SEC24C: variants seen among roughly 807,000 people sequenced by gnomAD.
SEC24C encodes the protein protein transport protein Sec24C.
Under a neutral mutation model 117.0 loss-of-function variants are expected in SEC24C, and 22 were observed. The ratio of observed to expected loss-of-function variants is 0.19; its 90% confidence interval spans 0.13 to 0.27. SEC24C has a LOEUF of 0.27. SEC24C is among the 10% of genes least tolerant of loss of function. SEC24C has a pLI of 1.00. For missense variants in SEC24C, 1,155 were observed against 1,375.1 expected (o/e 0.84, Z 2.53); for synonymous variants, 506 against 529.4 (o/e 0.96, Z 0.61).
Position 73,763,579 on chromosome 10 carries a change from C to G in SEC24C, c.1077C>G (p.Thr359=). The change falls in exon 7 of 23, where the codon ACC becomes ACG. Residue 359 remains threonine (T), a synonymous_variant. Transcript: ENST00000345254. Reference sequence around the variant, plus strand: ...GCCAGGTGCCACCCTTAGTCACTACCAACTTCCTGGTGAAAGACCAAGGTG... The same window carrying G: ...GCCAGGTGCCACCCTTAGTCACTACGAACTTCCTGGTGAAAGACCAAGGTG... ...VRGQVPPLVT[T]NFLVKDQGNA... The G allele has an allele frequency of 1.3e-6, 2 of 1,595,006 alleles. No homozygotes were observed. The highest frequency in any genetic ancestry group is 1.7e-5 in the Admixed American group (1 of 59,174).
chr10:73,763,773 G>C, intron 7 of SEC24C, 83 bp from the exon 8 acceptor site: 3 of 1,454,260 alleles, frequency 2.1e-6, no homozygotes, highest in Non-Finnish European at 2.8e-6. Context: ...GCTTTGTGGA[G>C]TTGATGGTGT....
rs1347082874 is a variant in SEC24C at position 73,769,259 on chromosome 10, T to C, written c.2425-88T>C. 1 of 1,586,572 alleles carries C rather than the reference T, an allele frequency of 6.3e-7. No individual in the cohort carries two copies. On this transcript the variant is annotated intron_variant, in intron 17 of 22. Coordinates refer to ENST00000345254, the MANE Select transcript of SEC24C (RefSeq NM_198597.3). The surrounding 1 kb of genome is among the most constrained non-coding windows in gnomAD (Gnocchi z 4.5). The stretch of plus-strand genomic sequence containing the variant: ...TAAAAGAAGAGACAGGGCACGGGAG[T>C]GGCTCATTTCTCTCTTCCAGTTTAA...
intron 10 of SEC24C, 26 bp downstream of exon 10, chr10:73,765,941 C>T (rs758739472): frequency 2.5e-6 from 4 of 1,596,812 alleles, no homozygotes; most frequent in Middle Eastern, 1.7e-4. Flanking sequence ...ATGGGAGGAG[C>T]AGTGAGTGGA....
chr10:73,770,524 C>A (rs866341459), intron 21 of SEC24C, 53 bp downstream of exon 21: 1 of 1,590,888 alleles, frequency 6.3e-7, no homozygotes, highest in African/African-American at 1.3e-5. Flanking sequence ...CTTTGTGAAA[C>A]AATTGGGAGC....
chr10:73,752,299 T>C (rs2082653054), intron 3 of SEC24C, among the ~76,000 whole-genome samples: 1 of 151,900 alleles, frequency 6.6e-6, no homozygotes, highest in African/African-American at 2.4e-5. Flanking sequence ...TTTTTTGTAT[T>C]TTTAGTAGAG....
chr10:73,763,667 C>CTTTTTTTTTTTTTTTTTT lies in SEC24C; in HGVS notation c.1099+81_1099+98dup, dbSNP rs71021569. ...CAAGATTATCAGCTTATGGTTGGGGCTTTTTTTTTTTTTTTTTTTTTTTTT... is the reference window on the plus strand; with the variant it reads ...CAAGATTATCAGCTTATGGTTGGGGCTTTTTTTTTTTTTTTTTTTTTTTTTTTTTTTTTTTTTTTTTTT... On this transcript the variant is annotated intron_variant, in intron 7 of 22. Coordinates refer to ENST00000345254, the MANE Select transcript of SEC24C (RefSeq NM_198597.3). 1.3e-4 allele frequency: 8 copies of CTTTTTTTTTTTTTTTTTT among 60,488 alleles called. 2 individuals are homozygous for CTTTTTTTTTTTTTTTTTT. The highest frequency in any genetic ancestry group is 9.2e-5 in the Non-Finnish European group (3 of 32,736). The allele number at this position is 60,488 out of a possible 1,614,324, so 3.7% of individuals were successfully genotyped here.
Position 73,751,185 on chromosome 10 carries a change from G to A in SEC24C, c.250G>A (p.Gly84Ser). 1 of 1,614,206 alleles carries A rather than the reference G, an allele frequency of 6.2e-7. No individual in the cohort carries two copies. Among genetic ancestry groups the A allele is most frequent in the Non-Finnish European group, 8.5e-7 (1 of 1,180,042 alleles). The change falls in exon 3 of 23, where the codon GGC becomes AGC. Residue 84 changes from glycine (G) to serine (S), a missense_variant. Physicochemically the swap from Gly to Ser is moderately conservative, Grantham distance 56 (BLOSUM62 0). Around this residue, in one of 2 missense-constraint regions of SEC24C, gnomAD observed 396 missense variants for 382.8 expected, o/e 1.03. Coordinates refer to ENST00000345254, the MANE Select transcript of SEC24C (RefSeq NM_198597.3). ...GGCTCCTTGTGGCCAGGCTGCATAT[G>A]GCCAGTTTGGCCAAGGAGATGTACA... The part of the protein sequence containing the change: ...AQAPCGQAAY[G>S]QFGQGDVQNG...
At chr10:73,758,479 T>C (rs2082746211) in intron 3 of SEC24C, among the ~76,000 whole-genome samples, 1 of 152,230 alleles carries the variant, frequency 6.6e-6, no homozygotes, top group Non-Finnish European at 1.5e-5. Context: ...TTGACAGATA[T>C]CACTACAGTC....
chr10:73,751,456 G>A (rs1589511702), intron 3 of SEC24C, among the ~76,000 whole-genome samples: 2 of 152,332 alleles, frequency 1.3e-5, no homozygotes, highest in East Asian at 1.9e-4. Flanking sequence ...AGACTTGGGA[G>A]GCTGAGGCAG....
Position 73,767,893 on chromosome 10 carries a change from C to T in SEC24C, c.2067C>T (p.Ala689=). 1 of 1,613,790 alleles carries T rather than the reference C, an allele frequency of 6.2e-7. No homozygotes were observed. Among genetic ancestry groups the T allele is most frequent in the Non-Finnish European group, 8.5e-7 (1 of 1,179,868 alleles). ...AYQTLAKECV[A]QGCCVDLFLF... is the part of the protein sequence containing the mutation. ...AGACCCTGGCCAAAGAGTGTGTGGCCCAAGGCTGCTGTGTAGATCTCTTTC... is the reference window on the plus strand; with the variant it reads ...AGACCCTGGCCAAAGAGTGTGTGGCTCAAGGCTGCTGTGTAGATCTCTTTC... The change falls in exon 15 of 23, where the codon GCC becomes GCT. Residue 689 remains alanine, a synonymous_variant. Coordinates refer to ENST00000345254, the MANE Select transcript of SEC24C (RefSeq NM_198597.3).
In SEC24C at chr10:73,763,559, G is replaced by A; in HGVS notation, c.1057G>A (p.Val353Met). The A allele has an allele frequency of 6.2e-7, 1 of 1,611,502 alleles. No homozygotes were observed. The highest frequency in any genetic ancestry group is 8.5e-7 in the Non-Finnish European group (1 of 1,178,660). Residue 353 changes from valine (V) to methionine (M), a missense_variant, in exon 7 of 23, where the codon GTG (valine) becomes ATG (methionine). Physicochemically the swap from Val to Met is conservative, Grantham distance 21. Coordinates refer to ENST00000345254, the MANE Select transcript of SEC24C (RefSeq NM_198597.3). ...ATTTGTTACTGGAGTACGGGGCCAG[G>A]TGCCACCCTTAGTCACTACCAACTT... ...EPFVTGVRGQVPPLVTTNFLV... is the reference protein window; with the variant it reads ...EPFVTGVRGQMPPLVTTNFLV...
Position 73,765,548 on chromosome 10 carries a change from G to A in SEC24C, c.1325G>A (p.Gly442Glu), listed in dbSNP as rs757234492. ...MCPFMQFIEG[G>E]RRFQCCFCSC... Reference sequence around the variant, plus strand: ...CCCTTCATGCAGTTCATTGAAGGAGGGAGGCGTTTCCAGTGCTGTTTTTGC... The same window carrying A: ...CCCTTCATGCAGTTCATTGAAGGAGAGAGGCGTTTCCAGTGCTGTTTTTGC... The change falls in exon 9 of 23, where the codon GGG becomes GAG. Residue 442 changes from glycine to glutamate, a missense_variant. By Grantham distance (98) the Gly-to-Glu change is moderately conservative. Transcript: ENST00000345254. 6.2e-7 allele frequency: 1 copy of A among 1,614,140 alleles called. No individual in the cohort carries two copies. Among genetic ancestry groups the A allele is most frequent in the South Asian group, 1.1e-5 (1 of 91,080 alleles).
At chr10:73,747,604 A>G (rs1227320080) in intron 2 of SEC24C, among the ~76,000 whole-genome samples, 3 of 150,116 alleles carry the variant, frequency 2.0e-5, no homozygotes, top group Non-Finnish European at 4.4e-5. Context: ...TGCCCGCCTC[A>G]GCCTCCCAAA....
chr10:73,748,040 C>G (rs1346552908), intron 2 of SEC24C, among the ~76,000 whole-genome samples: 1 of 152,212 alleles, frequency 6.6e-6, no homozygotes, highest in Non-Finnish European at 1.5e-5. Flanking sequence ...AATGATCCAC[C>G]AGCCTTGGCC....
chr10:73,763,662 T>G (rs1012681540), intron 7 of SEC24C, 61 bp downstream of exon 7: 16 of 525,984 alleles, frequency 3.0e-5, no homozygotes, highest in Admixed American at 4.3e-5. Flanking sequence ...AGCTTATGGT[T>G]GGGGCTTTTT....
chr10:73,761,097 T>C (rs1297935828), intron 6 of SEC24C, among the ~76,000 whole-genome samples: 1 of 152,206 alleles, frequency 6.6e-6, no homozygotes, highest in Non-Finnish European at 1.5e-5. Flanking sequence ...CACCAGTAGA[T>C]GTCTGAGGGC....
In SEC24C at chr10:73,769,626, G is replaced by A. The variant is rs1447819724; in HGVS notation, c.2575G>A (p.Val859Ile). Residue 859 changes from valine to isoleucine, a missense_variant, in exon 19 of 23, where the codon GTC (valine) becomes ATC (isoleucine). Val to Ile is a conservative substitution (Grantham distance 29). Around this residue, in one of 2 missense-constraint regions of SEC24C, gnomAD observed 759 missense variants for 992.3 expected, o/e 0.76. Coordinates refer to ENST00000345254, the MANE Select transcript of SEC24C (RefSeq NM_198597.3). This position sits in a 1 kb window ranked among gnomAD's most constrained non-coding sequence, Gnocchi z 4.5. ...GCTTTCCCATCCAGCATATCGGGGA[G>A]TCCTGAATAGCCCTGTGAAGGCTGT... Reference protein sequence around the residue: ...NYMAKFAYRGVLNSPVKAVRD... With the variant: ...NYMAKFAYRGILNSPVKAVRD... The A allele has an allele frequency of 1.2e-6, 2 of 1,613,966 alleles. No individual in the cohort carries two copies. Among genetic ancestry groups the A allele is most frequent in the Non-Finnish European group, 1.7e-6 (2 of 1,180,030 alleles).
intron 3 of SEC24C, among the ~76,000 whole-genome samples, chr10:73,753,999 T>G (rs2082677568): frequency 6.6e-6 from 1 of 152,080 alleles, no homozygotes; most frequent in Admixed American, 6.5e-5. Context: ...TAGTGTAGTG[T>G]TAGTGTATTT....
Position 73,770,350 on chromosome 10 carries a change from G to T in SEC24C, c.2933G>T (p.Gly978Val), listed in dbSNP as rs2082957122. Residue 978 changes from glycine (G) to valine (V), a missense_variant, in exon 21 of 23, where the codon GGG becomes GTG. Transcript: ENST00000345254. The stretch of plus-strand genomic sequence containing the variant: ...GCCTCTGAAGAGCGTCTAAGCAATG[G>T]GGATATATATTTACTGGAGAATGGG... The part of the protein sequence containing the change: ...VRASEERLSN[G>V]DIYLLENGLN... 1.2e-6 allele frequency: 2 copies of T among 1,613,550 alleles called. No individual in the cohort carries two copies. Among genetic ancestry groups the T allele is most frequent in the Non-Finnish European group, 1.7e-6 (2 of 1,179,888 alleles).
Sources: allele counts gnomAD v4.1 joint callset (sites outside exome capture counted in the v4.1 genomes callset), GRCh38; gene constraint gnomAD v4.1.1; regional missense constraint gnomAD v4.1.1; non-coding constraint Gnocchi (gnomAD v3.1); transcripts MANE v1.5; gene names NCBI Gene and HGNC (gene_info 2026-07-23, HGNC 2026-07-21).